The following ATRNL1 variants were observed in gnomAD, a reference collection of about 807,000 sequenced individuals.
ATRNL1 encodes attractin-like protein 1.
A neutral mutation model predicts 182.7 loss-of-function variants in ATRNL1; 95 were observed. The ratio of observed to expected loss-of-function variants is 0.52; its 90% CI spans 0.44 to 0.62. ATRNL1 has a LOEUF of 0.62. ATRNL1 is among the 20% of genes least tolerant of loss of function. The pLI is 0.00. For synonymous variants in ATRNL1, 576 were observed against 568.3 expected (o/e 1.01, Z -0.19); for missense variants, 1,471 against 1,679.5 (o/e 0.88, Z 2.17).
At chr10:115,879,511 A>C (rs1425626226) in intron 28 of ATRNL1, among the ~76,000 whole-genome samples, 1 of 152,108 alleles carries the variant, frequency 6.6e-6, no homozygotes, top group Non-Finnish European at 1.5e-5. Context: ...TTATAAACCA[A>C]AAGATGGGTG....
In ATRNL1 at chr10:115,688,822, C is replaced by G. The variant is rs971087707; in HGVS notation, c.3796-38426C>G. ...AGAAACTTTTAAATTTAGTATTATC[C>G]CCCCTTTTTTATGATTGTGCTTTTG... On this transcript the variant is annotated intron_variant, in intron 26 of 28. Transcript: ENST00000355044. Among the ~76,000 whole-genome samples the G allele has an allele frequency of 3.3e-5, 5 of 151,968 alleles. No individual in the cohort carries two copies. The South Asian group carries it at 8.3e-4, about 25-fold the overall frequency.
In ATRNL1 at chr10:115,368,491, G is replaced by A. The variant is rs1488392663; in HGVS notation, c.3176-26168G>A. Among the ~76,000 whole-genome samples the A allele has an allele frequency of 3.3e-5, 5 of 152,144 alleles. No individual in the cohort carries two copies. The East Asian group carries it at 7.7e-4, about 24-fold the overall frequency. ...GCAGAAATCACCCGTCTTCTGCGTC[G>A]CTCACGCTGGGAGCTGTAGACCAGA... is the stretch of plus-strand genomic sequence containing the variant. On this transcript the variant is annotated intron_variant, in intron 19 of 28. Transcript: ENST00000355044.
At chr10:115,749,236 AT>A (rs1317249626) in intron 27 of ATRNL1, among the ~76,000 whole-genome samples, 4 of 151,912 alleles carry the variant, frequency 2.6e-5, no homozygotes, top group African/African-American at 9.7e-5. Context: ...AATTTTATGT[AT>A]TTTTATTGTA....
intron 26 of ATRNL1, among the ~76,000 whole-genome samples, chr10:115,608,276 G>A (rs1856974365): frequency 6.6e-6 from 1 of 151,954 alleles, no homozygotes; most frequent in South Asian, 2.1e-4. Context: ...ATCCATAACC[G>A]ATAGCTACTC....
intron 27 of ATRNL1, among the ~76,000 whole-genome samples, chr10:115,779,075 C>T (rs1355757976): frequency 1.3e-5 from 2 of 152,120 alleles, no homozygotes; most frequent in African/African-American, 2.4e-5. Flanking sequence ...CTTTTGCTGC[C>T]TGCACCCAGG....
At chr10:115,106,215 G>T (rs1306973214) in intron 1 of ATRNL1, among the ~76,000 whole-genome samples, 1 of 152,154 alleles carries the variant, frequency 6.6e-6, no homozygotes, top group Non-Finnish European at 1.5e-5. Context: ...TGACTACCCT[G>T]TTGGATTTCG....
chr10:115,665,275 G>A (rs1860934900), intron 26 of ATRNL1, among the ~76,000 whole-genome samples: 1 of 152,108 alleles, frequency 6.6e-6, no homozygotes, highest in Non-Finnish European at 1.5e-5. Context: ...AAACTATGAA[G>A]ATATTTAAAG....
At chr10:115,141,884 C>T (rs1756621900) in intron 5 of ATRNL1, among the ~76,000 whole-genome samples, 1 of 152,096 alleles carries the variant, frequency 6.6e-6, no homozygotes, top group Admixed American at 6.5e-5. Flanking sequence ...AGAAAGTTGA[C>T]TGTTTGAAAA....
rs555894270 is a variant in ATRNL1 at position 115,535,470 on chromosome 10, A to G, written c.3717-13988A>G. Among the ~76,000 whole-genome samples the G allele has an allele frequency of 8.7e-5, 13 of 149,712 alleles. No homozygotes were observed. The East Asian group carries it at 2.3e-3, about 27-fold the overall frequency. On this transcript the variant is annotated intron_variant, in intron 25 of 28. Transcript: ENST00000355044. ...GTTTTCAGCTCCATCAGCTCCTTTA[A>G]GCACTTCTCTGTATTGGTTATTCTA... is the stretch of plus-strand genomic sequence containing the variant.
chr10:115,431,615 TTTAAAA>T (rs1164245412), intron 21 of ATRNL1, among the ~76,000 whole-genome samples: 6 of 152,204 alleles, frequency 3.9e-5, no homozygotes, highest in South Asian at 4.1e-4. Flanking sequence ...TATTTATTTA[TTTAAAA>T]TTAAAAGTTA....
At chr10:115,151,563 G>A (rs1476397887) in intron 5 of ATRNL1, among the ~76,000 whole-genome samples, 1 of 152,046 alleles carries the variant, frequency 6.6e-6, no homozygotes, top group Non-Finnish European at 1.5e-5. Context: ...ACTTTTTGAT[G>A]GGGTTGTTTT....
intron 9 of ATRNL1, among the ~76,000 whole-genome samples, chr10:115,241,196 A>G (rs1554902769): frequency 6.6e-6 from 1 of 151,970 alleles, no homozygotes; most frequent in African/African-American, 2.4e-5. Context: ...AATATAGTTT[A>G]GACTAAATTT....
At chr10:115,155,672 A>G (rs1554881873) in intron 5 of ATRNL1, among the ~76,000 whole-genome samples, 1 of 152,144 alleles carries the variant, frequency 6.6e-6, no homozygotes, top group South Asian at 2.1e-4. Context: ...AATCATTAGT[A>G]ATTGTTGGCT....
intron 28 of ATRNL1, among the ~76,000 whole-genome samples, chr10:115,924,346 T>C (rs531714031): frequency 6.6e-6 from 1 of 152,328 alleles, no homozygotes; most frequent in South Asian, 2.1e-4. Flanking sequence ...TGAATGTTAT[T>C]GCCTAGGTTT....
intron 13 of ATRNL1, among the ~76,000 whole-genome samples, chr10:115,271,062 G>A (rs531608840): frequency 2.0e-5 from 3 of 151,992 alleles, no homozygotes; most frequent in Admixed American, 2.0e-4. Context: ...TTGATATTCT[G>A]TAAATTAAAT....
At chr10:115,648,564 G>C (rs1349364844) in intron 26 of ATRNL1, among the ~76,000 whole-genome samples, 1 of 152,084 alleles carries the variant, frequency 6.6e-6, no homozygotes, top group East Asian at 1.9e-4. Flanking sequence ...GTACTACAAG[G>C]CTACAGTAAC....
At chr10:115,858,482 T>C (rs1270639010) in intron 28 of ATRNL1, among the ~76,000 whole-genome samples, 2 of 152,048 alleles carry the variant, frequency 1.3e-5, no homozygotes, top group South Asian at 2.1e-4. Flanking sequence ...AACTGGGAGC[T>C]GAACAATGAG....
chr10:115,337,311 C>A (rs1855537363), intron 19 of ATRNL1, among the ~76,000 whole-genome samples: 1 of 152,128 alleles, frequency 6.6e-6, no homozygotes, highest in East Asian at 1.9e-4. Flanking sequence ...CCTGCTCAAG[C>A]ATTTATCCTT....
chr10:115,446,945 A>G (rs1341458659), intron 21 of ATRNL1, among the ~76,000 whole-genome samples: 2 of 151,968 alleles, frequency 1.3e-5, no homozygotes, highest in Non-Finnish European at 2.9e-5. Flanking sequence ...GCAGATACAT[A>G]TATCATTTAA....
Sources: allele counts gnomAD v4.1 joint callset (sites outside exome capture counted in the v4.1 genomes callset), GRCh38; gene constraint gnomAD v4.1.1; transcripts MANE v1.5; gene names NCBI Gene and HGNC (gene_info 2026-07-23, HGNC 2026-07-21).